Variants in GRB14 observed in about 807,000 individuals in gnomAD.
GRB14 encodes growth factor receptor bound protein 14.
GRB14 carries 38 observed loss-of-function variants against 69.1 expected under a neutral mutation model. The observed-to-expected ratio is 0.55, with a 90% CI of 0.42 to 0.72. GRB14 has a LOEUF of 0.72. Ranked by LOEUF, GRB14 falls within the 30% of genes least tolerant of loss-of-function variation. The probability of loss-of-function intolerance (pLI) is 0.00; values close to 1 mark genes in which losing one functional copy is unlikely to be tolerated. For missense variants in GRB14, 666 were observed against 666.1 expected, an observed-to-expected ratio of 1.00 and a Z score of 0.00; for synonymous variants, 247 against 241.3, an observed-to-expected ratio of 1.02 and a Z score of -0.22.
intron 3 of GRB14, among the ~76,000 whole-genome samples, chr2:164,546,962 C>T (rs1224586079): frequency 6.6e-6 from 1 of 152,126 alleles, no homozygotes; most frequent in Non-Finnish European, 1.5e-5. Flanking sequence ...GAACCTCTCC[C>T]ATTTGGAAAG....
Position 164,621,159 on chromosome 2 carries a change from G to C in GRB14, c.151C>G (p.Leu51Val), listed in dbSNP as rs1049743741. 1 of 1,245,240 alleles carries C rather than the reference G, an allele frequency of 8.0e-7. No individual in the cohort carries two copies. The highest frequency in any genetic ancestry group is 3.2e-5 in the East Asian group (1 of 31,710). The allele number at this position is 1,245,240 out of a possible 1,614,324, so 77.1% of individuals were successfully genotyped here. The change falls in exon 1 of 14, where the codon CTG becomes GTG. Residue 51 changes from leucine (L) to valine (V), a missense_variant. Coordinates refer to ENST00000263915, the MANE Select transcript of GRB14 (RefSeq NM_004490.3). This position sits in a 1 kb window ranked among gnomAD's most constrained non-coding sequence, Gnocchi z 6.0. ...CCGCGGGTCCCGTCCGGAAGGGGCA[G>C]GAGCGCTCGCGCGTGCAGCCAGGGG... is the stretch of plus-strand genomic sequence containing the variant. Reference protein sequence around the residue: ...PAPWLHARALLPLPDGTRGCA... With the variant: ...PAPWLHARALVPLPDGTRGCA...
At chr2:164,526,225 T>C (rs1417036632) in intron 4 of GRB14, among the ~76,000 whole-genome samples, 1 of 152,090 alleles carries the variant, frequency 6.6e-6, no homozygotes, top group Non-Finnish European at 1.5e-5. Context: ...TCTATTATGG[T>C]GTGTATCATA....
intron 9 of GRB14, among the ~76,000 whole-genome samples, chr2:164,500,076 G>A (rs558111468): frequency 6.6e-6 from 1 of 152,260 alleles, no homozygotes; most frequent in South Asian, 2.1e-4. Flanking sequence ...AGTTTAGAAT[G>A]TCTATCCTCA....
chr2:164,517,210 C>T (rs1043143999), intron 6 of GRB14, among the ~76,000 whole-genome samples: 1 of 152,120 alleles, frequency 6.6e-6, no homozygotes, highest in Non-Finnish European at 1.5e-5. Context: ...GGAAACTCCC[C>T]TTTATAAAAC....
intron 2 of GRB14, among the ~76,000 whole-genome samples, chr2:164,562,227 T>C (rs2105323134): frequency 6.6e-6 from 1 of 152,292 alleles, no homozygotes; most frequent in East Asian, 1.9e-4. Flanking sequence ...CTAGACCTAC[T>C]TTTATCCCTT....
At chr2:164,591,075 A>C (rs530403677) in intron 2 of GRB14, among the ~76,000 whole-genome samples, 7 of 152,228 alleles carry the variant, frequency 4.6e-5, no homozygotes, top group Admixed American at 2.0e-4. Flanking sequence ...ATGCACAGAA[A>C]TTCTGTCTGT....
At position 164,621,341 on chromosome 2, in the gene GRB14, G is replaced by A; in HGVS notation, c.-32C>T. The A allele has an allele frequency of 7.9e-7, 1 of 1,273,172 alleles. No homozygotes were observed. The highest frequency in any genetic ancestry group is 1.5e-5 in the African/African-American group (1 of 65,750). 78.9% of individuals were successfully genotyped at this position (1,273,172 alleles called of 1,614,324 possible). A position where few individuals can be genotyped will look rare whatever the true frequency, so the allele number is the denominator to read the frequency against. On this transcript the variant is annotated 5_prime_UTR_variant, in exon 1 of 14. Transcript: ENST00000263915. This position sits in a 1 kb window ranked among gnomAD's most constrained non-coding sequence, Gnocchi z 6.0. ...CGGCCGGGGGGCTCGGGCGTCATGG[G>A]AGACTCGGCGCGTGGGGAGAAGGGG...
At chr2:164,521,104 G>A (rs572223306) in intron 6 of GRB14, among the ~76,000 whole-genome samples, 5 of 152,134 alleles carry the variant, frequency 3.3e-5, no homozygotes, top group African/African-American at 7.2e-5. Flanking sequence ...TGGAACCAGC[G>A]CAAATCCCCA....
chr2:164,495,958 C>A, intron 12 of GRB14, among the ~76,000 whole-genome samples: 1 of 152,162 alleles, frequency 6.6e-6, no homozygotes, highest in East Asian at 1.9e-4. Flanking sequence ...TCTTTCAAAA[C>A]ATTTTAATAA....
chr2:164,511,166 T>A (rs1298390326), intron 6 of GRB14, among the ~76,000 whole-genome samples: 1 of 152,058 alleles, frequency 6.6e-6, no homozygotes, highest in Non-Finnish European at 1.5e-5. Flanking sequence ...TAAATAGACA[T>A]GAAAGGCAGT....
At chr2:164,574,176 C>T in intron 2 of GRB14, 1 of 591,924 alleles carries the variant, frequency 1.7e-6, no homozygotes, top group Non-Finnish European at 3.0e-6. Context: ...TGATCTGATC[C>T]ACCACTAGCC....
At chr2:164,516,223 G>T (rs889417902) in intron 6 of GRB14, among the ~76,000 whole-genome samples, 5 of 151,990 alleles carry the variant, frequency 3.3e-5, no homozygotes, top group African/African-American at 1.2e-4. Context: ...GAACACCTGG[G>T]AAATTAATCA....
intron 2 of GRB14, among the ~76,000 whole-genome samples, chr2:164,576,950 A>G (rs1689266151): frequency 6.6e-6 from 1 of 152,040 alleles, no homozygotes; most frequent in Non-Finnish European, 1.5e-5. Flanking sequence ...AATATACAAA[A>G]TAAGAAATAA....
intron 12 of GRB14, among the ~76,000 whole-genome samples, chr2:164,496,531 T>A (rs1686899659): frequency 6.6e-6 from 1 of 152,100 alleles, no homozygotes; most frequent in African/African-American, 2.4e-5. Context: ...AATAGGGATG[T>A]AAACACACAA....
chr2:164,493,320 A>G (rs1325571519), intron 13 of GRB14, 138 bp from the exon 14 acceptor site: 1 of 689,862 alleles, frequency 1.4e-6, no homozygotes, highest in Non-Finnish European at 2.3e-6. Context: ...ATGTTACGGC[A>G]TATCTACTTG....
chr2:164,547,847 A>G (rs200175911), intron 2 of GRB14, 31 bp from the exon 3 acceptor site: 24 of 1,509,792 alleles, frequency 1.6e-5, no homozygotes, highest in Non-Finnish European at 2.0e-5. Context: ...AAAAGACCTA[A>G]AATATTCCTG....
intron 2 of GRB14, chr2:164,573,776 A>G: frequency 5.6e-6 from 9 of 1,612,452 alleles, no homozygotes; most frequent in Non-Finnish European, 7.6e-6. Context: ...TTTCTGTCGC[A>G]TCCACCAGTG....
At chr2:164,565,455 A>G (rs997981196) in intron 2 of GRB14, among the ~76,000 whole-genome samples, 1 of 152,212 alleles carries the variant, frequency 6.6e-6, no homozygotes, top group African/African-American at 2.4e-5. Flanking sequence ...TTTCATTTCC[A>G]TATTAATTTC....
chr2:164,583,373 G>A (rs75142656), intron 2 of GRB14, among the ~76,000 whole-genome samples: 8 of 152,148 alleles, frequency 5.3e-5, no homozygotes, highest in South Asian at 2.1e-4. Flanking sequence ...AAAGAAGTTA[G>A]GGGGGAGGTA....
Sources: gnomAD v4.1 joint callset for allele counts (sites outside exome capture counted in the v4.1 genomes callset) on GRCh38, gnomAD v4.1.1 for gene constraint, Gnocchi (gnomAD v3.1) non-coding constraint, MANE v1.5 for transcripts, NCBI Gene and HGNC (gene_info 2026-07-23, HGNC 2026-07-21) for gene names.